CCSER1: variants seen among roughly 807,000 people sequenced by gnomAD.
The protein encoded by CCSER1 is coiled-coil serine rich protein 1, also known as serine-rich coiled-coil domain-containing protein 1.
In CCSER1, 41 loss-of-function variants were observed where a neutral mutation model predicts 82.0. The ratio of observed to expected loss-of-function variants is 0.50; its 90% CI spans 0.39 to 0.65. CCSER1 has a LOEUF of 0.65. Ranked by LOEUF, CCSER1 falls within the 30% of genes least tolerant of loss-of-function variation. The pLI, the probability that CCSER1 is intolerant of heterozygous loss-of-function variation, is 0.00. For synonymous variants in CCSER1, 414 were observed against 383.9 expected, an observed-to-expected ratio of 1.08 and a Z score of -0.92; for missense variants, 1,119 against 1,064.2, an observed-to-expected ratio of 1.05 and a Z score of -0.72.
chr4:90,687,190 A>G (rs1321919845), intron 6 of CCSER1, among the ~76,000 whole-genome samples: 1 of 152,184 alleles, frequency 6.6e-6, no homozygotes, highest in East Asian at 1.9e-4. Flanking sequence ...TCAATGTCTA[A>G]AGTCACTTAT....
chr4:91,278,598 G>A (rs1377434853), intron 10 of CCSER1, among the ~76,000 whole-genome samples: 1 of 151,896 alleles, frequency 6.6e-6, no homozygotes, highest in Non-Finnish European at 1.5e-5. Context: ...TTGTATAGTT[G>A]GGTCCTGTTT....
chr4:91,219,588 C>A (rs1373017734), intron 10 of CCSER1, among the ~76,000 whole-genome samples: 4 of 152,058 alleles, frequency 2.6e-5, no homozygotes, highest in Admixed American at 1.3e-4. Context: ...CAGGCATAAG[C>A]CACCATGCCC....
intron 4 of CCSER1, among the ~76,000 whole-genome samples, chr4:90,409,554 A>G (rs1477626467): frequency 6.6e-6 from 1 of 152,236 alleles, no homozygotes; most frequent in African/African-American, 2.4e-5. Context: ...AAGGAGAAAT[A>G]AAATCCTTTA....
chr4:90,731,117 G>T (rs181905538), intron 7 of CCSER1, among the ~76,000 whole-genome samples: 1 of 152,226 alleles, frequency 6.6e-6, no homozygotes. Flanking sequence ...GATAACAATT[G>T]ATTGAATATT....
At position 91,349,444 on chromosome 4, in the gene CCSER1, G is replaced by A. The variant is rs190260707; in HGVS notation, c.2218-249128G>A. 2.2e-3 allele frequency among the ~76,000 whole-genome samples: 341 copies of A among 152,200 alleles called. 2 individuals are homozygous for A. The highest frequency in any genetic ancestry group is 0.01 in the Middle Eastern group (3 of 294). ...TGATGTAATGGTTAAGTTGTAGAAA[G>A]GCAAATGGTCTAAAGTCTTACATTA... On this transcript the variant is annotated intron_variant, in intron 10 of 10. Coordinates refer to ENST00000509176, the MANE Select transcript of CCSER1 (RefSeq NM_001145065.2).
At chr4:90,870,815 CTTTTTT>C (rs35869800) in intron 8 of CCSER1, among the ~76,000 whole-genome samples, 3 of 109,554 alleles carry the variant, frequency 2.7e-5, no homozygotes, top group Non-Finnish European at 5.7e-5. Flanking sequence ...AGGTCCTTGG[CTTTTTT>C]TTTTTTTTTT....
intron 10 of CCSER1, among the ~76,000 whole-genome samples, chr4:91,551,988 C>T (rs1277565181): frequency 6.6e-6 from 1 of 151,514 alleles, no homozygotes; most frequent in Non-Finnish European, 1.5e-5. Context: ...TGACAAATTT[C>T]AATGTAGTAG....
At chr4:90,361,997 A>G (rs1745471560) in intron 3 of CCSER1, among the ~76,000 whole-genome samples, 1 of 152,174 alleles carries the variant, frequency 6.6e-6, no homozygotes, top group Admixed American at 6.5e-5. Flanking sequence ...CTTCTAGTGC[A>G]AAAGTCAGGC....
chr4:90,867,585 T>C (rs1388698918), intron 8 of CCSER1, among the ~76,000 whole-genome samples: 3 of 151,974 alleles, frequency 2.0e-5, no homozygotes, highest in African/African-American at 7.2e-5. Flanking sequence ...GGACAATAAA[T>C]TATTATTGAT....
chr4:90,540,865 A>G (rs1175727101), intron 5 of CCSER1, among the ~76,000 whole-genome samples: 1 of 152,144 alleles, frequency 6.6e-6, no homozygotes, highest in African/African-American at 2.4e-5. Context: ...TGCATAGTGC[A>G]TAGCACAGTG....
intron 5 of CCSER1, among the ~76,000 whole-genome samples, chr4:90,502,847 C>A (rs1770118321): frequency 1.3e-5 from 2 of 152,048 alleles, no homozygotes; most frequent in African/African-American, 4.8e-5. Context: ...GAACAAATAG[C>A]TGAAACTTCT....
chr4:90,839,047 G>A (rs940334403), intron 8 of CCSER1: 2 of 1,612,056 alleles, frequency 1.2e-6, no homozygotes, highest in East Asian at 2.2e-5. Context: ...TGGTTGCGGA[G>A]GAAAAGCGGA....
intron 8 of CCSER1, among the ~76,000 whole-genome samples, chr4:90,844,695 T>C (rs1045504659): frequency 1.6e-4 from 25 of 152,326 alleles, no homozygotes; most frequent in Admixed American, 1.1e-3. Flanking sequence ...GCTTTTTTTT[T>C]CTCTGCATAG....
intron 6 of CCSER1, among the ~76,000 whole-genome samples, chr4:90,692,907 T>G (rs1362157690): frequency 6.6e-6 from 1 of 151,988 alleles, no homozygotes; most frequent in Non-Finnish European, 1.5e-5. Flanking sequence ...AAATTATCCT[T>G]CACGTTTTTC....
chr4:90,585,137 A>ATTTTT (rs2148659065), intron 5 of CCSER1, among the ~76,000 whole-genome samples: 1 of 152,300 alleles, frequency 6.6e-6, no homozygotes, highest in East Asian at 1.9e-4. Context: ...ACTTTACAAC[A>ATTTTT]TTTGTCATCA....
intron 10 of CCSER1, among the ~76,000 whole-genome samples, chr4:91,219,436 T>TC (rs1737559723): frequency 6.7e-6 from 1 of 149,172 alleles, no homozygotes; most frequent in Admixed American, 6.7e-5. Flanking sequence ...CCTCAGCCTC[T>TC]CAAATAGCTG....
chr4:91,038,974 A>T (rs1741684863), intron 9 of CCSER1, among the ~76,000 whole-genome samples: 1 of 152,198 alleles, frequency 6.6e-6, no homozygotes. Flanking sequence ...GAATGTTTGC[A>T]GCCTTAAAAA....
chr4:91,066,399 G>T lies in CCSER1; in HGVS notation c.2173-19551G>T, dbSNP rs115531631. ...GCAGTAAACCTTGGGGATTCACCTGGCCTCCTTCGCAGCCAAGATTTTTCC... is the reference window on the plus strand; with the variant it reads ...GCAGTAAACCTTGGGGATTCACCTGTCCTCCTTCGCAGCCAAGATTTTTCC... On this transcript the variant is annotated intron_variant, in intron 9 of 10. Transcript: ENST00000509176. Among the ~76,000 whole-genome samples, 1,312 of 152,190 alleles carry T rather than the reference G, an allele frequency of 8.6e-3. 20 individuals are homozygous for T. Among genetic ancestry groups the T allele is most frequent in the African/African-American group, 0.03 (1,264 of 41,538 alleles).
intron 9 of CCSER1, among the ~76,000 whole-genome samples, chr4:90,945,095 T>C (rs959746292): frequency 2.6e-5 from 4 of 152,170 alleles, no homozygotes; most frequent in African/African-American, 4.8e-5. Context: ...ATTATCTTTA[T>C]GTTTCCCTTC....
Sources: allele counts gnomAD v4.1 joint callset (sites outside exome capture counted in the v4.1 genomes callset), GRCh38; gene constraint gnomAD v4.1.1; transcripts MANE v1.5; gene names NCBI Gene and HGNC (gene_info 2026-07-23, HGNC 2026-07-21).